The following YWHAE variants were observed in gnomAD, a reference collection of about 807,000 sequenced individuals.
The protein encoded by YWHAE is 14-3-3 protein epsilon.
A neutral mutation model predicts 30.1 loss-of-function variants in YWHAE; 4 were observed. The ratio of observed to expected loss-of-function variants is 0.13; its 90% CI spans 0.07 to 0.30. The LOEUF is 0.30. Ranked by LOEUF, YWHAE falls within the 10% of genes least tolerant of loss-of-function variation. The pLI is 1.00. For synonymous variants in YWHAE, 118 were observed against 111.8 expected (o/e 1.06, Z -0.35); for missense variants, 121 against 315.9 (o/e 0.38, Z 4.68).
chr17:1,391,399 G>A (rs1427600089), intron 1 of YWHAE, among the ~76,000 whole-genome samples: 1 of 152,150 alleles, frequency 6.6e-6, no homozygotes, highest in African/African-American at 2.4e-5. Flanking sequence ...ACAAAATCTA[G>A]TAACAAATGG....
chr17:1,383,265 GCT>G, intron 1 of YWHAE, among the ~76,000 whole-genome samples: 1 of 151,932 alleles, frequency 6.6e-6, no homozygotes, highest in South Asian at 2.1e-4. Flanking sequence ...CAGGAGAATT[GCT>G]TGATCCTGGG....
Position 1,344,731 on chromosome 17 carries a change from G to C in YWHAE, c.*716C>G, listed in dbSNP as rs925486810. 4 of 230,598 alleles carry C rather than the reference G, an allele frequency of 1.7e-5. No homozygotes were observed. The highest frequency in any genetic ancestry group is 8.9e-5 in the African/African-American group (4 of 45,046). The allele number at this position is 230,598 out of a possible 1,614,324, so 14.3% of individuals were successfully genotyped here. On this transcript the variant is annotated 3_prime_UTR_variant, in exon 6 of 6. Coordinates refer to ENST00000264335, the MANE Select transcript of YWHAE (RefSeq NM_006761.5). ...GGAGGGGAGGAGTGAGGGGAAGGAG[G>C]TAGGGGGAGGGGGAAGGAGAAGAAA...
chr17:1,364,580 T>C (rs151133942), intron 2 of YWHAE, among the ~76,000 whole-genome samples: 1 of 152,106 alleles, frequency 6.6e-6, no homozygotes, highest in East Asian at 1.9e-4. Flanking sequence ...AATACAATAG[T>C]TCCCCCTTAT....
At chr17:1,362,383 G>A (rs962679654) in intron 2 of YWHAE, among the ~76,000 whole-genome samples, 14 of 152,094 alleles carry the variant, frequency 9.2e-5, no homozygotes, top group Non-Finnish European at 1.5e-4. Flanking sequence ...AGGTAGCAAC[G>A]TAAAGACATT....
chr17:1,360,924 G>A (rs969520602), intron 4 of YWHAE, among the ~76,000 whole-genome samples, 168 bp downstream of exon 4: 13 of 152,092 alleles, frequency 8.5e-5, no homozygotes, highest in Non-Finnish European at 1.9e-4. Context: ...ATGCTAGTGG[G>A]TTGAGACAGG....
chr17:1,380,278 A>C (rs1194809118), intron 1 of YWHAE, among the ~76,000 whole-genome samples: 1 of 152,042 alleles, frequency 6.6e-6, no homozygotes, highest in East Asian at 1.9e-4. Context: ...TGCCCAGCTA[A>C]ATTTTGTATT....
intron 1 of YWHAE, among the ~76,000 whole-genome samples, chr17:1,365,950 G>A (rs1051714059): frequency 6.8e-6 from 1 of 147,812 alleles, no homozygotes. Flanking sequence ...GGGCACAGTG[G>A]CTCATGCCTG....
chr17:1,362,847 T>C (rs1271235444), intron 2 of YWHAE, among the ~76,000 whole-genome samples: 1 of 152,120 alleles, frequency 6.6e-6, no homozygotes, highest in African/African-American at 2.4e-5. Context: ...GCTTTTCCAA[T>C]AGAGACTGGT....
chr17:1,352,852 C>T (rs535601863), intron 5 of YWHAE, among the ~76,000 whole-genome samples: 4 of 152,190 alleles, frequency 2.6e-5, no homozygotes, highest in Non-Finnish European at 4.4e-5. Context: ...TTAAAGGAAC[C>T]GCAGCTAAAA....
chr17:1,357,798 G>A (rs2072779541), intron 4 of YWHAE, among the ~76,000 whole-genome samples: 1 of 151,588 alleles, frequency 6.6e-6, no homozygotes, highest in South Asian at 2.1e-4. Flanking sequence ...ATGGTGGCGG[G>A]CGTCTGTAAT....
intron 1 of YWHAE, among the ~76,000 whole-genome samples, chr17:1,376,065 C>A (rs145690362): frequency 6.6e-6 from 1 of 152,176 alleles, no homozygotes; most frequent in Non-Finnish European, 1.5e-5. Flanking sequence ...CTGAAGAACA[C>A]GAAGGTTAAA....
chr17:1,368,595 G>T (rs534276604), intron 1 of YWHAE, among the ~76,000 whole-genome samples: 6 of 151,308 alleles, frequency 4.0e-5, no homozygotes, highest in African/African-American at 1.5e-4. Flanking sequence ...TTACAATATG[G>T]TAATAAGACC....
intron 5 of YWHAE, among the ~76,000 whole-genome samples, chr17:1,350,013 C>T (rs185295775): frequency 6.8e-4 from 100 of 147,960 alleles, no homozygotes; most frequent in South Asian, 1.3e-3. Context: ...AGTGCAACGG[C>T]GCGATCTCAG....
intron 1 of YWHAE, among the ~76,000 whole-genome samples, chr17:1,365,655 G>T (rs541483404): frequency 6.6e-6 from 1 of 152,104 alleles, no homozygotes; most frequent in Admixed American, 6.6e-5. Context: ...GGCATCTACC[G>T]CAAGCATAGG....
chr17:1,377,165 C>G (rs2073138917), intron 1 of YWHAE, among the ~76,000 whole-genome samples: 2 of 152,046 alleles, frequency 1.3e-5, no homozygotes, highest in African/African-American at 4.8e-5. Flanking sequence ...CCACCTGCCT[C>G]GGCCTCCCTA....
chr17:1,370,205 CA>C (rs1439780665), intron 1 of YWHAE, among the ~76,000 whole-genome samples: 2 of 141,358 alleles, frequency 1.4e-5, no homozygotes, highest in Non-Finnish European at 3.0e-5. Context: ...CGGCTCACTG[CA>C]AGCTCCGCCT....
At chr17:1,384,081 T>C (rs2073261494) in intron 1 of YWHAE, among the ~76,000 whole-genome samples, 1 of 152,118 alleles carries the variant, frequency 6.6e-6, no homozygotes, top group Admixed American at 6.6e-5. Flanking sequence ...AGCAGGTGCC[T>C]GTAATCCCAG....
intron 1 of YWHAE, 112 bp downstream of exon 1, chr17:1,399,934 GC>G: frequency 2.2e-6 from 3 of 1,343,278 alleles, no homozygotes; most frequent in Non-Finnish European, 3.2e-6. Flanking sequence ...CCGAACCCAA[GC>G]CCCCGGGCCA....
At chr17:1,361,844 A>G in intron 3 of YWHAE, 58 bp downstream of exon 3, 1 of 1,147,042 alleles carries the variant, frequency 8.7e-7, no homozygotes, top group Non-Finnish European at 1.2e-6. Flanking sequence ...GAACAAAGTT[A>G]TGGTTCTAAA....
Sources: gnomAD v4.1 joint callset for allele counts (sites outside exome capture counted in the v4.1 genomes callset) on GRCh38, gnomAD v4.1.1 for gene constraint, MANE v1.5 for transcripts, NCBI Gene and HGNC (gene_info 2026-07-23, HGNC 2026-07-21) for gene names.